The following PDXDC1 variants were observed in gnomAD, a reference collection of about 807,000 sequenced individuals.
The protein encoded by PDXDC1 is pyridoxal-dependent decarboxylase domain-containing protein 1.
A neutral mutation model predicts 100.1 loss-of-function variants in PDXDC1; 42 were observed. The ratio of observed to expected loss-of-function variants is 0.42; its 90% CI spans 0.33 to 0.54. The LOEUF (loss-of-function observed/expected upper bound fraction) is 0.54, where lower values mean the gene tolerates loss of function less well. Among genes scored for constraint, PDXDC1 ranks in the 20% least tolerant of loss-of-function variants. PDXDC1 has a pLI of 0.10. For synonymous variants in PDXDC1, 260 were observed against 371.7 expected (o/e 0.70, Z 3.46); for missense variants, 636 against 979.2 (o/e 0.65, Z 4.68).
chr16:15,150,351 A>C, the PDXDC1 span, among the ~76,000 whole-genome samples: 40 of 136,018 alleles, frequency 2.9e-4, no homozygotes, highest in Middle Eastern at 3.9e-3. Context: ...AAATAACAAT[A>C]AATAAATAAA....
intron 16 of PDXDC1, among the ~76,000 whole-genome samples, chr16:15,049,803 A>G (rs982110305): frequency 2.6e-5 from 4 of 152,260 alleles, no homozygotes; most frequent in Non-Finnish European, 4.4e-5. Context: ...ACCAAGTCAC[A>G]GCCACTAACT....
intron 16 of PDXDC1, among the ~76,000 whole-genome samples, chr16:15,046,668 T>G (rs1289328266): frequency 4.1e-5 from 5 of 121,720 alleles, no homozygotes; most frequent in Non-Finnish European, 8.0e-5. Flanking sequence ...AAGACCGGCC[T>G]GGGCAACTTG....
chr16:15,147,491 C>T, the PDXDC1 span, among the ~76,000 whole-genome samples: 5 of 152,258 alleles, frequency 3.3e-5, no homozygotes, highest in African/African-American at 7.2e-5. Flanking sequence ...GCGCAGGGCC[C>T]GGCGTGGCCA....
intron 16 of PDXDC1, among the ~76,000 whole-genome samples, chr16:15,088,590 T>C (rs950896714): frequency 1.4e-4 from 21 of 152,028 alleles, no homozygotes; most frequent in Admixed American, 3.3e-4. Flanking sequence ...AATGTCCCTT[T>C]GTATCTGGGA....
At chr16:14,990,030 GC>G (rs1970382826) in intron 1 of PDXDC1, 7 of 1,475,594 alleles carry the variant, frequency 4.7e-6, no homozygotes, top group Non-Finnish European at 6.3e-6. Context: ...CAGGCCGCCC[GC>G]CGCCCGCTGC....
intron 16 of PDXDC1, among the ~76,000 whole-genome samples, chr16:15,128,817 T>A (rs2098731326): frequency 6.6e-6 from 1 of 151,148 alleles, no homozygotes; most frequent in African/African-American, 2.4e-5. Context: ...ATTTTTTTTT[T>A]TTTTTTGAGA....
chr16:14,989,924 G>A (rs1400204508), intron 1 of PDXDC1: 46 of 1,501,468 alleles, frequency 3.1e-5, no homozygotes, highest in Non-Finnish European at 4.0e-5. Flanking sequence ...CCGCCTCGCC[G>A]CGCTCCCGCA....
At chr16:15,107,191 A>ACT (rs200346670) in intron 16 of PDXDC1, 10 of 509,250 alleles carry the variant, frequency 2.0e-5, no homozygotes, top group African/African-American at 9.4e-5. Flanking sequence ...TGTTTTGTGA[A>ACT]CTCTCTCTCT....
chr16:15,128,182 C>G (rs771916985), intron 16 of PDXDC1: 5 of 1,610,238 alleles, frequency 3.1e-6, no homozygotes, highest in Non-Finnish European at 1.7e-6. Context: ...CGCCCCAACG[C>G]GGGGGCAGAG....
intron 16 of PDXDC1, among the ~76,000 whole-genome samples, chr16:15,058,998 C>CTT (rs2044621223): frequency 6.6e-6 from 1 of 152,092 alleles, no homozygotes; most frequent in Non-Finnish European, 1.5e-5. Context: ...CACACAAAAG[C>CTT]ATTTGATGGA....
At chr16:15,066,281 C>T (rs539866782) in intron 16 of PDXDC1, among the ~76,000 whole-genome samples, 132 of 152,252 alleles carry the variant, frequency 8.7e-4, no homozygotes, top group African/African-American at 3.0e-3. Context: ...ACCGCACTTC[C>T]GGGTGTGTGA....
chr16:15,087,329 T>C (rs1313042327), intron 16 of PDXDC1, among the ~76,000 whole-genome samples: 1 of 152,188 alleles, frequency 6.6e-6, no homozygotes, highest in Non-Finnish European at 1.5e-5. Context: ...CTCTGCAAGA[T>C]GTTTAGTTAT....
chr16:15,114,346 CAT>C (rs2047167307), intron 16 of PDXDC1: 1 of 786,740 alleles, frequency 1.3e-6, no homozygotes, highest in Admixed American at 3.0e-5. Context: ...GGTAAAACCA[CAT>C]ATTCATAATG....
chr16:15,098,900 A>G (rs920537550), intron 16 of PDXDC1, among the ~76,000 whole-genome samples: 4 of 152,132 alleles, frequency 2.6e-5, no homozygotes, highest in African/African-American at 9.7e-5. Flanking sequence ...TTTCTTGTCC[A>G]CAGCAAAGAA....
intron 16 of PDXDC1, chr16:15,136,001 C>G: frequency 1.3e-6 from 2 of 1,548,174 alleles, no homozygotes; most frequent in Middle Eastern, 2.3e-4. Flanking sequence ...ATGCAGTGCT[C>G]GGCTGTGGCT....
intron 16 of PDXDC1, among the ~76,000 whole-genome samples, chr16:15,122,686 A>G (rs1174739124): frequency 1.7e-3 from 251 of 150,460 alleles, no homozygotes; most frequent in Non-Finnish European, 2.7e-3. Flanking sequence ...GCCAAAAGAG[A>G]AGCCAAAAGA....
intron 1 of PDXDC1, chr16:14,975,675 A>G (rs1183981893): frequency 1.0e-6 from 1 of 985,404 alleles, no homozygotes; most frequent in Non-Finnish European, 1.2e-6. Context: ...AAAATTGCCA[A>G]AGCAGTGGTT....
upstream of PDXDC1, chr16:14,974,861 T>G (rs1175150395): frequency 6.5e-7 from 1 of 1,535,540 alleles, no homozygotes; most frequent in Non-Finnish European, 8.7e-7. Flanking sequence ...GTGATTATTA[T>G]ACTTCTACCT....
intron 16 of PDXDC1, among the ~76,000 whole-genome samples, chr16:15,089,987 T>C (rs1313020581): frequency 6.6e-6 from 1 of 151,430 alleles, no homozygotes; most frequent in Non-Finnish European, 1.5e-5. Flanking sequence ...GGCGGGCAGG[T>C]CACCTGAGGT....
Sources: allele counts gnomAD v4.1 joint callset (sites outside exome capture counted in the v4.1 genomes callset), GRCh38; gene constraint gnomAD v4.1.1; transcripts MANE v1.5; gene names NCBI Gene and HGNC (gene_info 2026-07-23, HGNC 2026-07-21).